The following UPF2 variants were observed in gnomAD, a reference collection of about 807,000 sequenced individuals.
The protein encoded by UPF2 is regulator of nonsense transcripts 2.
Under a neutral mutation model 141.4 loss-of-function variants are expected in UPF2, and 17 were observed. That is an observed-to-expected ratio of 0.12 (90% CI 0.08 to 0.18). UPF2 has a LOEUF of 0.18. UPF2 is among the 10% of genes least tolerant of loss of function. The probability of loss-of-function intolerance (pLI) is 1.00; values close to 1 mark genes in which losing one functional copy is unlikely to be tolerated. For missense variants in UPF2, 1,152 were observed against 1,515.9 expected, an observed-to-expected ratio of 0.76 and a Z score of 3.99; for synonymous variants, 540 against 498.0, an observed-to-expected ratio of 1.08 and a Z score of -1.12.
At chr10:12,017,151 A>C (rs1834237105) in intron 3 of UPF2, among the ~76,000 whole-genome samples, 1 of 152,226 alleles carries the variant, frequency 6.6e-6, no homozygotes, top group African/African-American at 2.4e-5. Flanking sequence ...ATTCTGAAGC[A>C]AATTATATTA....
intron 15 of UPF2, among the ~76,000 whole-genome samples, chr10:11,951,015 G>A (rs1002083138): frequency 2.0e-5 from 3 of 152,144 alleles, no homozygotes; most frequent in African/African-American, 4.8e-5. Context: ...GTTCTAGTGG[G>A]AAATCAAACA....
At chr10:11,977,615 A>T (rs984980978) in intron 9 of UPF2, among the ~76,000 whole-genome samples, 2 of 152,204 alleles carry the variant, frequency 1.3e-5, no homozygotes, top group Non-Finnish European at 2.9e-5. Context: ...CATATAACCG[A>T]TATAATAACT....
intron 8 of UPF2, among the ~76,000 whole-genome samples, chr10:11,984,115 G>A (rs990800382): frequency 2.0e-5 from 3 of 151,998 alleles, no homozygotes; most frequent in African/African-American, 7.3e-5. Context: ...TAGAGACGGG[G>A]TTTCTCCATG....
chr10:11,954,974 A>T (rs1316862972), intron 14 of UPF2, among the ~76,000 whole-genome samples: 3 of 152,056 alleles, frequency 2.0e-5, no homozygotes, highest in African/African-American at 7.2e-5. Context: ...CCAAATTTAT[A>T]AACTGTATGA....
intron 16 of UPF2, among the ~76,000 whole-genome samples, chr10:11,944,648 G>T (rs1467935996): frequency 6.6e-6 from 1 of 152,058 alleles, no homozygotes; most frequent in Non-Finnish European, 1.5e-5. Context: ...ACACTTAAAA[G>T]ACACTTCCCA....
chr10:11,994,388 T>A (rs1029975520), intron 8 of UPF2, among the ~76,000 whole-genome samples: 21 of 152,158 alleles, frequency 1.4e-4, no homozygotes, highest in African/African-American at 4.8e-4. Context: ...AAACAGGAAA[T>A]AAGAATCTAT....
intron 2 of UPF2, among the ~76,000 whole-genome samples, chr10:12,030,251 T>C (rs1476712768): frequency 1.3e-5 from 2 of 152,116 alleles, no homozygotes; most frequent in African/African-American, 4.8e-5. Context: ...AAGAATTATT[T>C]AAAGAATTAG....
intron 12 of UPF2, among the ~76,000 whole-genome samples, chr10:11,957,961 G>A (rs923831271): frequency 6.6e-6 from 1 of 152,100 alleles, no homozygotes; most frequent in African/African-American, 2.4e-5. Flanking sequence ...GTGTAAAACG[G>A]GGGATAACAA....
chr10:11,987,224 C>T (rs546435549), intron 8 of UPF2, among the ~76,000 whole-genome samples: 109 of 152,214 alleles, frequency 7.2e-4, no homozygotes, highest in African/African-American at 2.6e-3. Flanking sequence ...GGGTTTAACA[C>T]CTAGGTGATG....
intron 18 of UPF2, among the ~76,000 whole-genome samples, chr10:11,938,866 T>TGTTTGTTTTTTTTTTG (rs1180833674): frequency 1.1e-5 from 1 of 88,652 alleles, no homozygotes; most frequent in African/African-American, 3.7e-5. Flanking sequence ...TTTTTTTTTT[T>TGTTTGTTTTTTTTTTG]TTTTTTTTTT....
intron 1 of UPF2, among the ~76,000 whole-genome samples, chr10:12,037,138 G>A (rs1355083044): frequency 6.6e-6 from 1 of 152,184 alleles, no homozygotes; most frequent in South Asian, 2.1e-4. Flanking sequence ...AGGCTGGAGT[G>A]CAGTGGCACA....
chr10:11,986,733 A>C (rs1032015806), intron 8 of UPF2, among the ~76,000 whole-genome samples: 2 of 152,236 alleles, frequency 1.3e-5, no homozygotes, highest in Non-Finnish European at 2.9e-5. Flanking sequence ...GAAATCGACA[A>C]CCAAATGCCC....
Position 11,979,319 on chromosome 10 carries a change from T to G in UPF2, c.1845-154A>C, listed in dbSNP as rs997242105. Among the ~76,000 whole-genome samples the G allele has an allele frequency of 6.6e-6, 1 of 152,246 alleles. No individual in the cohort carries two copies. Among genetic ancestry groups the G allele is most frequent in the Non-Finnish European group, 1.5e-5 (1 of 68,044 alleles). ...TATTTATTGCCATCATAAAGAAGTG[T>G]TTGAAAATTCAATGAGCCTTCTACA... On this transcript the variant is annotated intron_variant, in intron 8 of 21. Transcript: ENST00000357604. The surrounding 1 kb of genome is among the most constrained non-coding windows in gnomAD (Gnocchi z 6.2).
chr10:11,984,394 T>C (rs1833652773), intron 8 of UPF2, among the ~76,000 whole-genome samples: 1 of 152,162 alleles, frequency 6.6e-6, no homozygotes, highest in Non-Finnish European at 1.5e-5. Context: ...CTTTTTAATG[T>C]TCTTTTTCTT....
At position 11,938,842 on chromosome 10, in the gene UPF2, G is replaced by GTTTTTTTTTT. The variant is rs1204744093; in HGVS notation, c.3379-2140_3379-2131dup. 1.8e-3 allele frequency among the ~76,000 whole-genome samples: 81 copies of GTTTTTTTTTT among 45,858 alleles called. 1 individual carries two copies. Among genetic ancestry groups the GTTTTTTTTTT allele is most frequent in the African/African-American group, 4.9e-3 (70 of 14,232 alleles). The allele number at this position is 45,858 out of a possible 152,430, so 30.1% of individuals were successfully genotyped here. On this transcript the variant is annotated intron_variant, in intron 18 of 21. Coordinates refer to ENST00000357604, the MANE Select transcript of UPF2 (RefSeq NM_015542.4). ...GTCCTAGCCATGTGGTCTTAAGCAA[G>GTTTTTTTTTT]TTTTTTTTTTGTTTTTTTTTTTTTT...
chr10:12,026,175 GT>G (rs1380768044), intron 3 of UPF2, among the ~76,000 whole-genome samples: 1 of 152,086 alleles, frequency 6.6e-6, no homozygotes, highest in Non-Finnish European at 1.5e-5. Context: ...TCTAAATAAA[GT>G]TTAACAGAGA....
At chr10:11,988,306 TATTTTTGTA>T (rs958140687) in intron 8 of UPF2, among the ~76,000 whole-genome samples, 2 of 152,316 alleles carry the variant, frequency 1.3e-5, no homozygotes, top group Middle Eastern at 6.8e-3. Flanking sequence ...ATGCTGTGTT[TATTTTTGTA>T]ATTTTTGTAA....
At chr10:11,994,416 T>TA (rs1407013307) in intron 8 of UPF2, among the ~76,000 whole-genome samples, 2 of 152,204 alleles carry the variant, frequency 1.3e-5, no homozygotes, top group Non-Finnish European at 2.9e-5. Context: ...TTTTCTTGTA[T>TA]ACGCAAAAGA....
chr10:11,929,588 T>C (rs1361029329), intron 21 of UPF2, among the ~76,000 whole-genome samples: 1 of 151,570 alleles, frequency 6.6e-6, no homozygotes. Context: ...AGTGAGTGAG[T>C]TGCGATTGTG....
Sources: allele counts gnomAD v4.1 joint callset (sites outside exome capture counted in the v4.1 genomes callset), GRCh38; gene constraint gnomAD v4.1.1; non-coding constraint Gnocchi (gnomAD v3.1); transcripts MANE v1.5; gene names NCBI Gene and HGNC (gene_info 2026-07-23, HGNC 2026-07-21).